The following PLCE1 variants were observed in gnomAD, a reference collection of about 807,000 sequenced individuals.
The protein encoded by PLCE1 is 1-phosphatidylinositol 4,5-bisphosphate phosphodiesterase epsilon-1.
PLCE1 carries 119 observed loss-of-function variants against 242.8 expected under a neutral mutation model. The ratio of observed to expected loss-of-function variants is 0.49; its 90% CI spans 0.42 to 0.57. The LOEUF is 0.57. Among genes scored for constraint, PLCE1 ranks in the 20% least tolerant of loss-of-function variants. PLCE1 has a pLI of 0.00. For synonymous variants in PLCE1, 945 were observed against 1,017.4 expected (o/e 0.93, Z 1.35); for missense variants, 2,441 against 2,788.8 (o/e 0.88, Z 2.81).
At chr10:94,240,746 G>A (rs1245382017) in intron 7 of PLCE1, among the ~76,000 whole-genome samples, 2 of 152,078 alleles carry the variant, frequency 1.3e-5, no homozygotes, top group East Asian at 3.8e-4. Context: ...TCTGTCTACG[G>A]TTTCTAACTG....
At chr10:94,229,314 G>C (rs915740258) in intron 5 of PLCE1, among the ~76,000 whole-genome samples, 1 of 152,202 alleles carries the variant, frequency 6.6e-6, no homozygotes, top group Non-Finnish European at 1.5e-5. Context: ...TGTCTGGCAA[G>C]TTGGTGCTGG....
intron 3 of PLCE1, among the ~76,000 whole-genome samples, chr10:94,157,148 A>G (rs968197303): frequency 4.0e-4 from 61 of 152,272 alleles, no homozygotes; most frequent in African/African-American, 1.5e-3. Flanking sequence ...TGGGCACCAC[A>G]CCAAAGGGTG....
intron 1 of PLCE1, among the ~76,000 whole-genome samples, chr10:94,016,815 G>C (rs1047875800): frequency 1.3e-5 from 2 of 152,046 alleles, no homozygotes; most frequent in African/African-American, 2.4e-5. Flanking sequence ...ATAATAGCCT[G>C]TTTTATTTGT....
chr10:94,304,407 CT>C (rs779280548), intron 24 of PLCE1, 74 bp from the exon 25 acceptor site: 115 of 1,356,708 alleles, frequency 8.5e-5, no homozygotes, highest in Non-Finnish European at 1.2e-4. Context: ...TTCTTTTGAA[CT>C]TTCAATTTAT....
intron 2 of PLCE1, chr10:94,106,171 T>C (rs2045726334): frequency 1.3e-5 from 2 of 152,206 alleles, no homozygotes; most frequent in African/African-American, 4.8e-5. Flanking sequence ...TGGAAGTACA[T>C]AAAAAGTAAC....
chr10:93,996,877 T>C (rs2060834698), intron 1 of PLCE1, among the ~76,000 whole-genome samples: 1 of 152,244 alleles, frequency 6.6e-6, no homozygotes, highest in Non-Finnish European at 1.5e-5. Flanking sequence ...TATTGGACAG[T>C]GCAGATATAG....
intron 4 of PLCE1, among the ~76,000 whole-genome samples, chr10:94,185,282 A>C (rs1378500187): frequency 6.6e-6 from 1 of 152,218 alleles, no homozygotes; most frequent in Non-Finnish European, 1.5e-5. Context: ...ATCACCTGAG[A>C]TCAGGAGTTT....
chr10:94,064,148 A>G (rs754136768), intron 2 of PLCE1, among the ~76,000 whole-genome samples: 6 of 152,106 alleles, frequency 3.9e-5, no homozygotes, highest in Non-Finnish European at 8.8e-5. Flanking sequence ...CACATTATTT[A>G]TTTCTATCCC....
chr10:94,063,391 C>T (rs1227256461), intron 2 of PLCE1, among the ~76,000 whole-genome samples: 6 of 152,160 alleles, frequency 3.9e-5, no homozygotes, highest in East Asian at 1.9e-4. Context: ...CCCTTGCTAT[C>T]GCATTGCCAC....
chr10:94,075,474 T>G (rs2135163812), intron 2 of PLCE1, among the ~76,000 whole-genome samples: 1 of 152,360 alleles, frequency 6.6e-6, no homozygotes, highest in East Asian at 1.9e-4. Flanking sequence ...AATGTGGATT[T>G]AGGGAGTCAT....
At chr10:94,090,210 C>T (rs1476883358) in intron 2 of PLCE1, among the ~76,000 whole-genome samples, 1 of 151,628 alleles carries the variant, frequency 6.6e-6, no homozygotes, top group African/African-American at 2.4e-5. Flanking sequence ...CAGAATAAAA[C>T]TTGAAAACTG....
At chr10:94,171,563 C>A in intron 4 of PLCE1, 67 bp downstream of exon 4, 1 of 1,245,902 alleles carries the variant, frequency 8.0e-7, no homozygotes, top group Non-Finnish European at 1.2e-6. Context: ...GCATACCTCC[C>A]CTTCTAGGTT....
intron 20 of PLCE1, chr10:94,280,201 C>A: frequency 2.3e-6 from 1 of 439,802 alleles, no homozygotes; most frequent in Non-Finnish European, 4.2e-6. Flanking sequence ...TGTTTTCACC[C>A]TTTAGTTTCT....
intron 4 of PLCE1, among the ~76,000 whole-genome samples, chr10:94,213,594 A>T (rs189168996): frequency 6.6e-6 from 1 of 152,052 alleles, no homozygotes; most frequent in South Asian, 2.1e-4. Context: ...TGTTCCATTG[A>T]TATGTTCTTT....
chr10:94,056,085 G>A (rs1442523358), intron 2 of PLCE1, among the ~76,000 whole-genome samples: 11 of 152,192 alleles, frequency 7.2e-5, no homozygotes, highest in Non-Finnish European at 1.5e-5. Context: ...TATCTGTAGA[G>A]CAAGATCATC....
intron 2 of PLCE1, among the ~76,000 whole-genome samples, chr10:94,118,740 A>G (rs1343159548): frequency 2.6e-5 from 4 of 152,168 alleles, no homozygotes; most frequent in Non-Finnish European, 4.4e-5. Context: ...AATCTTGGGT[A>G]TGTCTTTATC....
intron 4 of PLCE1, among the ~76,000 whole-genome samples, chr10:94,212,548 G>A (rs754005384): frequency 7.9e-5 from 12 of 152,202 alleles, no homozygotes; most frequent in Admixed American, 2.6e-4. Flanking sequence ...GAGCCACCAC[G>A]CCCAGCCAAT....
intron 2 of PLCE1, among the ~76,000 whole-genome samples, chr10:94,079,309 A>G (rs2044591105): frequency 6.6e-6 from 1 of 152,204 alleles, no homozygotes; most frequent in South Asian, 2.1e-4. Context: ...ATGAGAAAAC[A>G]TTAATGTCCT....
At chr10:94,213,820 A>C (rs1025436621) in intron 4 of PLCE1, among the ~76,000 whole-genome samples, 1 of 152,172 alleles carries the variant, frequency 6.6e-6, no homozygotes, top group Non-Finnish European at 1.5e-5. Context: ...TATCAGTATT[A>C]GTTGACATTT....
Sources: allele counts gnomAD v4.1 joint callset (sites outside exome capture counted in the v4.1 genomes callset), GRCh38; gene constraint gnomAD v4.1.1; transcripts MANE v1.5; gene names NCBI Gene and HGNC (gene_info 2026-07-23, HGNC 2026-07-21).